The following DLGAP2 variants were observed in gnomAD, a reference collection of about 807,000 sequenced individuals.
DLGAP2 encodes disks large-associated protein 2.
DLGAP2 carries 26 observed loss-of-function variants against 100.3 expected under a neutral mutation model. That is an observed-to-expected ratio of 0.26 (90% CI 0.19 to 0.36). DLGAP2 has a LOEUF of 0.36. DLGAP2 is among the 10% of genes least tolerant of loss of function. The pLI is 1.00. For missense variants in DLGAP2, 1,858 were observed against 1,453.2 expected (o/e 1.28, Z -4.53); for synonymous variants, 886 against 630.1 (o/e 1.41, Z -6.08).
chr8:1,206,819 G>A (rs753981696), intron 2 of DLGAP2, among the ~76,000 whole-genome samples: 43 of 152,186 alleles, frequency 2.8e-4, no homozygotes, highest in Admixed American at 1.3e-3. Context: ...AAGGCTCCAC[G>A]GGCCCCTCTT....
At chr8:749,939 C>T (rs958974376) in intron 1 of DLGAP2, among the ~76,000 whole-genome samples, 1 of 152,194 alleles carries the variant, frequency 6.6e-6, no homozygotes, top group Non-Finnish European at 1.5e-5. Flanking sequence ...TCTCTGTCTC[C>T]ACGTGGCCTC....
intron 1 of DLGAP2, among the ~76,000 whole-genome samples, chr8:838,849 G>C (rs1796930436): frequency 6.6e-6 from 1 of 152,326 alleles, no homozygotes; most frequent in East Asian, 1.9e-4. Context: ...TTCCCCTGCT[G>C]GTGACTTCCT....
intron 14 of DLGAP2, 39 bp from the exon 15 acceptor site, chr8:1,701,149 T>A (rs1799555241): frequency 1.3e-6 from 2 of 1,540,078 alleles, no homozygotes; most frequent in South Asian, 1.2e-5. Context: ...GGGACCCTCC[T>A]CCGAGCACCT....
intron 3 of DLGAP2, among the ~76,000 whole-genome samples, chr8:1,443,852 T>C (rs1210451738): frequency 1.3e-5 from 2 of 152,170 alleles, no homozygotes; most frequent in South Asian, 4.2e-4. Context: ...AGCCAAACCA[T>C]GTCTCATGGC....
At chr8:1,545,369 C>T (rs1266974538) in intron 4 of DLGAP2, among the ~76,000 whole-genome samples, 1 of 152,120 alleles carries the variant, frequency 6.6e-6, no homozygotes, top group African/African-American at 2.4e-5. Flanking sequence ...AGGCCGGCCG[C>T]CCCATAAGTG....
intron 2 of DLGAP2, among the ~76,000 whole-genome samples, chr8:1,196,261 G>T (rs755444741): frequency 9.2e-5 from 14 of 152,204 alleles, no homozygotes; most frequent in Admixed American, 6.5e-5. Flanking sequence ...GTGTGTAAAT[G>T]CATCTGCATA....
At chr8:1,050,454 C>T (rs1347400030) in intron 2 of DLGAP2, among the ~76,000 whole-genome samples, 1 of 152,170 alleles carries the variant, frequency 6.6e-6, no homozygotes, top group Non-Finnish European at 1.5e-5. Context: ...CACATTCACG[C>T]TGGGCAAAGC....
chr8:1,028,873 C>A (rs373166638), intron 2 of DLGAP2, among the ~76,000 whole-genome samples: 1 of 152,132 alleles, frequency 6.6e-6, no homozygotes, highest in Non-Finnish European at 1.5e-5. Context: ...GGAGGGAGGA[C>A]AATGGCGGGA....
intron 2 of DLGAP2, among the ~76,000 whole-genome samples, chr8:953,520 G>A (rs1003364777): frequency 4.6e-5 from 7 of 152,122 alleles, no homozygotes; most frequent in African/African-American, 1.4e-4. Context: ...ATTTTTGCTT[G>A]GAAGCTTAAA....
chr8:1,676,721 C>A, intron 11 of DLGAP2, 103 bp downstream of exon 11: 1 of 1,168,556 alleles, frequency 8.6e-7, no homozygotes, highest in Non-Finnish European at 1.2e-6. Context: ...TCATGCCTGT[C>A]CTTGTGGAAA....
intron 3 of DLGAP2, chr8:1,379,463 C>T (rs1426848057): frequency 1.3e-5 from 2 of 152,300 alleles, no homozygotes; most frequent in Non-Finnish European, 2.9e-5. Context: ...GCCGAGGCCT[C>T]TCCTCATGGC....
rs1025008980 is a variant in DLGAP2, at chr8:920,453, T to C, written c.73+12487T>C. Among the ~76,000 whole-genome samples, 4 of 152,178 alleles carry C rather than the reference T, an allele frequency of 2.6e-5. No individual in the cohort carries two copies. In the East Asian group the frequency reaches 5.8e-4, roughly 22 times the overall value. On this transcript the variant is annotated intron_variant, in intron 2 of 14. Transcript: ENST00000637795. ...GTGAATCCTGGGTGCATAATAACAA[T>C]AAGCAAATCTAAAAACAATTCAGCA...
chr8:1,623,364 A>T (rs939563728), intron 6 of DLGAP2, among the ~76,000 whole-genome samples: 2 of 148,436 alleles, frequency 1.3e-5, no homozygotes, highest in Admixed American at 6.7e-5. Flanking sequence ...GTGCGTGATG[A>T]CCTGGAACCA....
intron 10 of DLGAP2, among the ~76,000 whole-genome samples, chr8:1,674,003 G>A (rs892757656): frequency 1.3e-5 from 2 of 152,122 alleles, no homozygotes; most frequent in African/African-American, 2.4e-5. Context: ...CTGTCAACCT[G>A]TGTTCTTTAA....
intron 2 of DLGAP2, among the ~76,000 whole-genome samples, chr8:1,248,299 T>A (rs781314466): frequency 1.3e-5 from 1 of 79,712 alleles, no homozygotes; most frequent in Non-Finnish European, 2.4e-5. Context: ...TTGAGATCAG[T>A]GTGGGAGTAA....
intron 4 of DLGAP2, among the ~76,000 whole-genome samples, chr8:1,543,003 A>G (rs1479797754): frequency 6.6e-6 from 1 of 152,112 alleles, no homozygotes; most frequent in Admixed American, 6.6e-5. Context: ...CGCCGTTAGG[A>G]CATCTTCTTT....
At chr8:1,430,577 T>A (rs1797396769) in intron 3 of DLGAP2, among the ~76,000 whole-genome samples, 1 of 152,178 alleles carries the variant, frequency 6.6e-6, no homozygotes, top group Admixed American at 6.5e-5. Context: ...CCTCAGAGGT[T>A]TTGTATTTAA....
intron 2 of DLGAP2, among the ~76,000 whole-genome samples, chr8:1,020,449 C>T (rs1563148167): frequency 6.6e-6 from 1 of 152,216 alleles, no homozygotes; most frequent in Non-Finnish European, 1.5e-5. Flanking sequence ...TATAGCTTAG[C>T]AGTCTTCAGA....
chr8:1,383,549 T>G, intron 3 of DLGAP2, among the ~76,000 whole-genome samples: 1 of 152,178 alleles, frequency 6.6e-6, no homozygotes, highest in East Asian at 1.9e-4. Context: ...GTTACCGGTC[T>G]GAGGAGCTTT....
Sources: allele counts gnomAD v4.1 joint callset (sites outside exome capture counted in the v4.1 genomes callset), GRCh38; gene constraint gnomAD v4.1.1; transcripts MANE v1.5; gene names NCBI Gene and HGNC (gene_info 2026-07-23, HGNC 2026-07-21).